The following SORCS1 variants were observed in gnomAD, a reference collection of about 807,000 sequenced individuals.
SORCS1 encodes sortilin related VPS10 domain containing receptor 1, also known as VPS10 domain-containing receptor SorCS1.
SORCS1 carries 60 observed loss-of-function variants against 146.1 expected under a neutral mutation model. That is an observed-to-expected ratio of 0.41 (90% CI 0.33 to 0.51). SORCS1 has a LOEUF of 0.51. Ranked by LOEUF, SORCS1 falls within the 20% of genes least tolerant of loss-of-function variation. SORCS1 has a pLI of 0.21. For synonymous variants in SORCS1, 637 were observed against 584.0 expected (o/e 1.09, Z -1.31); for missense variants, 1,352 against 1,487.6 (o/e 0.91, Z 1.50).
chr10:106,601,897 T>G lies in SORCS1; in HGVS notation c.3166-4447A>C, dbSNP rs111618831. 2.6e-3 allele frequency among the ~76,000 whole-genome samples: 398 copies of G among 152,278 alleles called. 2 individuals are homozygous for G. Among genetic ancestry groups the G allele is most frequent in the African/African-American group, 9.1e-3 (378 of 41,550 alleles). On this transcript the variant is annotated intron_variant, in intron 23 of 25. Coordinates refer to ENST00000263054, the MANE Select transcript of SORCS1 (RefSeq NM_052918.5). ...GTCCTGAGGCTCTGCCCCAGCAGAA[T>G]AGACTCATGGTACAGTCCTATCATG...
chr10:106,613,091 G>T (rs1168605287), intron 21 of SORCS1, among the ~76,000 whole-genome samples: 1 of 151,802 alleles, frequency 6.6e-6, no homozygotes, highest in Non-Finnish European at 1.5e-5. Flanking sequence ...TAATTATTAT[G>T]ATTAGATATT....
At chr10:106,792,758 C>T (rs909263903) in intron 3 of SORCS1, among the ~76,000 whole-genome samples, 11 of 152,298 alleles carry the variant, frequency 7.2e-5, no homozygotes, top group African/African-American at 2.6e-4. Context: ...ACGTTACACT[C>T]AATTCATAAG....
At chr10:107,005,592 C>T (rs116281091) in intron 1 of SORCS1, among the ~76,000 whole-genome samples, 20 of 152,118 alleles carry the variant, frequency 1.3e-4, no homozygotes, top group African/African-American at 4.8e-4. Flanking sequence ...ATATTATGTA[C>T]ACTTTATAAT....
Position 106,990,810 on chromosome 10 carries a change from A to G in SORCS1, c.559-34230T>C, listed in dbSNP as rs78354236. Among the ~76,000 whole-genome samples the G allele has an allele frequency of 9.0e-3, 1,378 of 152,362 alleles. 21 individuals are homozygous for G. Among genetic ancestry groups the G allele is most frequent in the African/African-American group, 0.032 (1,315 of 41,588 alleles). ...AGTACACTGTTAAAATTAAACAGAC[A>G]AAAACCACCAATTAAAATAAAATCT... On this transcript the variant is annotated intron_variant, in intron 1 of 25. Transcript: ENST00000263054.
intron 2 of SORCS1, among the ~76,000 whole-genome samples, chr10:106,879,603 C>T (rs10884367): frequency 0.29 from 43,502 of 152,010 alleles, 7,593 homozygotes; most frequent in Non-Finnish European, 0.39. Context: ...TTATCCAGGC[C>T]GACCTGATAT....
intron 1 of SORCS1, among the ~76,000 whole-genome samples, chr10:107,106,887 C>A (rs1965348117): frequency 6.6e-6 from 1 of 152,092 alleles, no homozygotes; most frequent in Admixed American, 6.6e-5. Flanking sequence ...TGTGAGGATA[C>A]AAAGAGAAAA....
chr10:106,961,892 T>C (rs1955241702), intron 1 of SORCS1, among the ~76,000 whole-genome samples: 1 of 152,232 alleles, frequency 6.6e-6, no homozygotes, highest in Admixed American at 6.5e-5. Context: ...TGGAAGGAGT[T>C]GCCACTCTGC....
chr10:106,688,484 T>A, intron 9 of SORCS1, 146 bp from the exon 10 acceptor site: 1 of 835,590 alleles, frequency 1.2e-6, no homozygotes, highest in Non-Finnish European at 1.8e-6. Flanking sequence ...AGGAGGTGGC[T>A]CAAGGTATAA....
chr10:106,727,775 A>G (rs553178873), intron 6 of SORCS1, among the ~76,000 whole-genome samples: 2 of 152,316 alleles, frequency 1.3e-5, no homozygotes, highest in African/African-American at 4.8e-5. Context: ...ACAGTAATCA[A>G]TTATGCTCGA....
intron 1 of SORCS1, among the ~76,000 whole-genome samples, chr10:106,967,077 T>G (rs1306448401): frequency 1.3e-5 from 2 of 150,676 alleles, no homozygotes; most frequent in Non-Finnish European, 1.5e-5. Flanking sequence ...CTTTGACAGG[T>G]TCTTCTATTT....
chr10:107,178,007 T>G, the SORCS1 span, among the ~76,000 whole-genome samples: 1 of 151,538 alleles, frequency 6.6e-6, no homozygotes, highest in Non-Finnish European at 1.5e-5. Flanking sequence ...GTTGGAGCAT[T>G]GGGGGTGGGA....
intron 5 of SORCS1, among the ~76,000 whole-genome samples, chr10:106,746,562 G>A (rs148920186): frequency 6.0e-4 from 92 of 152,276 alleles, no homozygotes; most frequent in Middle Eastern, 3.4e-3. Flanking sequence ...CAGGCATTTC[G>A]ACAATCACAA....
At chr10:106,976,533 G>A (rs1369738545) in intron 1 of SORCS1, among the ~76,000 whole-genome samples, 11 of 151,966 alleles carry the variant, frequency 7.2e-5, no homozygotes, top group African/African-American at 2.4e-4. Flanking sequence ...GGGTTTCACC[G>A]TGTTAGCTAG....
chr10:106,989,997 T>C (rs1956700036), intron 1 of SORCS1, among the ~76,000 whole-genome samples: 2 of 152,108 alleles, frequency 1.3e-5, no homozygotes, highest in South Asian at 2.1e-4. Context: ...ACCCATGTTT[T>C]CTTAATTCAG....
chr10:106,684,606 T>C (rs1395533818), intron 10 of SORCS1, among the ~76,000 whole-genome samples: 1 of 152,176 alleles, frequency 6.6e-6, no homozygotes, highest in Non-Finnish European at 1.5e-5. Context: ...CCTAAAAATA[T>C]AGCCCAAATT....
At chr10:106,704,062 G>A (rs573653219) in intron 8 of SORCS1, among the ~76,000 whole-genome samples, 8 of 152,260 alleles carry the variant, frequency 5.3e-5, no homozygotes, top group East Asian at 3.9e-4. Context: ...ATGCCACTGC[G>A]GGCAACTGTC....
At chr10:106,785,343 T>C (rs907665973) in intron 3 of SORCS1, among the ~76,000 whole-genome samples, 2 of 152,224 alleles carry the variant, frequency 1.3e-5, no homozygotes, top group Non-Finnish European at 2.9e-5. Flanking sequence ...TACTTTTCCC[T>C]AAATTGCCTA....
At chr10:106,657,595 C>A (rs1184817803) in intron 17 of SORCS1, among the ~76,000 whole-genome samples, 1 of 150,450 alleles carries the variant, frequency 6.6e-6, no homozygotes, top group Non-Finnish European at 1.5e-5. Flanking sequence ...ACTTGTACTC[C>A]AAAAGGTATT....
chr10:106,800,742 C>T (rs551099095), intron 3 of SORCS1, among the ~76,000 whole-genome samples: 29 of 151,906 alleles, frequency 1.9e-4, no homozygotes, highest in African/African-American at 6.5e-4. Flanking sequence ...GGGGTTTCAC[C>T]GTGTTAGCCA....
Sources: gnomAD v4.1 joint callset for allele counts (sites outside exome capture counted in the v4.1 genomes callset) on GRCh38, gnomAD v4.1.1 for gene constraint, MANE v1.5 for transcripts, NCBI Gene and HGNC (gene_info 2026-07-23, HGNC 2026-07-21) for gene names.